DACH2: variants seen among roughly 807,000 people sequenced by gnomAD.
The protein encoded by DACH2 is dachshund family transcription factor 2, also known as dachshund homolog 2.
Under a neutral mutation model 35.8 loss-of-function variants are expected in DACH2, and 17 were observed. That is an observed-to-expected ratio of 0.48 (90% CI 0.33 to 0.71). The LOEUF is 0.71. Ranked by LOEUF, DACH2 falls within the 30% of genes least tolerant of loss-of-function variation. The probability of loss-of-function intolerance (pLI) is 0.02; values close to 1 mark genes in which losing one functional copy is unlikely to be tolerated. For synonymous variants in DACH2, 195 were observed against 177.3 expected (o/e 1.10, Z -0.79); for missense variants, 469 against 472.7 (o/e 0.99, Z 0.07).
intron 3 of DACH2, among the ~76,000 whole-genome samples, chrX:86,564,859 T>C (rs1282217381): frequency 1.8e-5 from 2 of 111,199 alleles, no homozygotes; most frequent in African/African-American, 3.3e-5. Context: ...GGAATATTAG[T>C]GATGAGTTCA....
chrX:86,330,722 T>C (rs1175814246), intron 1 of DACH2, among the ~76,000 whole-genome samples: 1 of 112,106 alleles, frequency 8.9e-6, no homozygotes, highest in Non-Finnish European at 1.9e-5. Context: ...TTTGGGTCTT[T>C]GGATAGCAGT....
chrX:86,161,014 A>G (rs938308841), intron 1 of DACH2: 19 of 955,527 alleles, frequency 2.0e-5, no homozygotes, highest in Non-Finnish European at 2.7e-5. Flanking sequence ...GTGACTTTCC[A>G]TCCCTTGAAC....
chrX:86,334,078 A>T (rs1449088808), intron 1 of DACH2, among the ~76,000 whole-genome samples: 1 of 111,954 alleles, frequency 8.9e-6, no homozygotes, highest in East Asian at 2.8e-4. Context: ...CCTTCAAAAG[A>T]CATGAATTCA....
intron 4 of DACH2, among the ~76,000 whole-genome samples, chrX:86,683,311 C>A (rs1602782252): frequency 2.5e-5 from 2 of 78,880 alleles, no homozygotes; most frequent in Middle Eastern, 5.7e-3. Context: ...TGTTTACCAG[C>A]CAAACCCAGT....
At chrX:86,362,059 A>G (rs1421254756) in intron 1 of DACH2, among the ~76,000 whole-genome samples, 3 of 111,588 alleles carry the variant, frequency 2.7e-5, no homozygotes, top group African/African-American at 9.7e-5. Flanking sequence ...GTAGAAAAAC[A>G]TACTGAGATT....
chrX:86,642,530 C>G (rs902280123), intron 3 of DACH2, among the ~76,000 whole-genome samples: 1 of 111,639 alleles, frequency 9.0e-6, no homozygotes, highest in African/African-American at 3.3e-5. Context: ...ACTCCACTGA[C>G]AGCATTAGAT....
intron 6 of DACH2, among the ~76,000 whole-genome samples, chrX:86,730,098 G>C (rs1444074815): frequency 9.0e-6 from 1 of 110,504 alleles, no homozygotes; most frequent in East Asian, 2.9e-4. Context: ...TCTTTAGCTT[G>C]GTTTATATTA....
intron 1 of DACH2, among the ~76,000 whole-genome samples, chrX:86,287,774 A>C (rs1005787287): frequency 8.9e-6 from 1 of 111,857 alleles, no homozygotes; most frequent in Non-Finnish European, 1.9e-5. Context: ...ATCTGATAGA[A>C]TTCTGAATTC....
intron 7 of DACH2, among the ~76,000 whole-genome samples, chrX:86,742,908 T>C (rs1402484467): frequency 9.0e-6 from 1 of 111,214 alleles, no homozygotes; most frequent in Non-Finnish European, 1.9e-5. Context: ...ATTTGGGAGG[T>C]TATAAATTAC....
At chrX:86,755,688 C>T (rs2074584434) in intron 7 of DACH2, among the ~76,000 whole-genome samples, 1 of 105,465 alleles carries the variant, frequency 9.5e-6, no homozygotes, top group Admixed American at 1.0e-4. Flanking sequence ...AGCTCTGCCT[C>T]CCAGGTTCAC....
chrX:86,753,944 A>AG (rs2041801319), intron 7 of DACH2, among the ~76,000 whole-genome samples: 1 of 110,008 alleles, frequency 9.1e-6, no homozygotes, highest in Non-Finnish European at 1.9e-5. Context: ...ACAATAAAAA[A>AG]AAAAAAACAA....
chrX:86,427,848 A>C (rs1402877306), intron 2 of DACH2, among the ~76,000 whole-genome samples: 4 of 112,129 alleles, frequency 3.6e-5, no homozygotes, highest in African/African-American at 6.5e-5. Flanking sequence ...TTATGTTTAC[A>C]TTTTGACTTT....
In DACH2 at chrX:86,427,986, T is replaced by G. The variant is rs1269986414; in HGVS notation, c.527+51124T>G. On this transcript the variant is annotated intron_variant, in intron 2 of 11. Transcript: ENST00000373125. ...CTTGAACACTTTTTTGGTTGAGTAA[T>G]GAAAAAGCGTGGATTGTTATTCAAA... 2.7e-5 allele frequency among the ~76,000 whole-genome samples: 3 copies of G among 111,609 alleles called. No homozygotes were observed. In the East Asian group the frequency reaches 8.4e-4, roughly 31 times the overall value.
intron 2 of DACH2, among the ~76,000 whole-genome samples, chrX:86,498,537 A>G (rs754658802): frequency 8.9e-6 from 1 of 112,411 alleles, no homozygotes; most frequent in East Asian, 2.8e-4. Flanking sequence ...ACATCATGTT[A>G]TCTGTACCTT....
At chrX:86,628,240 A>C (rs775254231) in intron 3 of DACH2, among the ~76,000 whole-genome samples, 1 of 112,479 alleles carries the variant, frequency 8.9e-6, no homozygotes, top group East Asian at 2.8e-4. Flanking sequence ...CATTTTTAAC[A>C]TATAAAATTA....
intron 3 of DACH2, among the ~76,000 whole-genome samples, chrX:86,521,700 A>G (rs1377106170): frequency 8.9e-6 from 1 of 112,126 alleles, no homozygotes; most frequent in Non-Finnish European, 1.9e-5. Flanking sequence ...CAGTTAAAAA[A>G]GTAATCAAGG....
At chrX:86,443,784 A>G (rs980727891) in intron 2 of DACH2, among the ~76,000 whole-genome samples, 1 of 111,958 alleles carries the variant, frequency 8.9e-6, no homozygotes, top group African/African-American at 3.2e-5. Context: ...CATTTTGTTA[A>G]TGAGATTTAT....
intron 2 of DACH2, among the ~76,000 whole-genome samples, chrX:86,418,740 G>A (rs1050507341): frequency 1.8e-5 from 2 of 111,536 alleles, no homozygotes; most frequent in Non-Finnish European, 3.8e-5. Context: ...ACTGTCTCGG[G>A]GATTAACATT....
intron 7 of DACH2, among the ~76,000 whole-genome samples, chrX:86,784,587 TAAAAC>T (rs1318551666): frequency 1.8e-5 from 2 of 111,933 alleles, no homozygotes; most frequent in African/African-American, 6.5e-5. Context: ...TCAAAGAACT[TAAAAC>T]AGAATTACCA....
Sources: gnomAD v4.1 joint callset for allele counts (sites outside exome capture counted in the v4.1 genomes callset) on GRCh38, gnomAD v4.1.1 for gene constraint, MANE v1.5 for transcripts, NCBI Gene and HGNC (gene_info 2026-07-23, HGNC 2026-07-21) for gene names.